IPO11: variants seen among roughly 807,000 people sequenced by gnomAD.
IPO11 encodes importin-11.
IPO11 carries 66 observed loss-of-function variants against 143.2 expected under a neutral mutation model. The ratio of observed to expected loss-of-function variants is 0.46; its 90% CI spans 0.38 to 0.57. IPO11 has a LOEUF of 0.57. Ranked by LOEUF, IPO11 falls within the 20% of genes least tolerant of loss-of-function variation. The pLI is 0.00. For missense variants in IPO11, 1,026 were observed against 1,141.0 expected (o/e 0.90, Z 1.45); for synonymous variants, 385 against 377.8 (o/e 1.02, Z -0.22).
intron 29 of IPO11, among the ~76,000 whole-genome samples, chr5:62,610,446 T>C (rs997972366): frequency 6.6e-6 from 1 of 152,212 alleles, no homozygotes; most frequent in Non-Finnish European, 1.5e-5. Context: ...TATTAATTTT[T>C]ATCCATGTGT....
intron 21 of IPO11, among the ~76,000 whole-genome samples, chr5:62,528,148 G>A (rs1194710789): frequency 6.6e-6 from 1 of 152,152 alleles, no homozygotes; most frequent in Non-Finnish European, 1.5e-5. Context: ...TTGAGGACAC[G>A]AGGAGCCATC....
chr5:62,613,218 C>A (rs1256070417), intron 29 of IPO11, among the ~76,000 whole-genome samples: 2 of 149,240 alleles, frequency 1.3e-5, no homozygotes, highest in Non-Finnish European at 3.0e-5. Flanking sequence ...GTTTGATTAT[C>A]TGATTTTAAA....
intron 1 of IPO11, among the ~76,000 whole-genome samples, chr5:62,422,275 C>A (rs1009030948): frequency 2.7e-4 from 41 of 152,046 alleles, no homozygotes; most frequent in Non-Finnish European, 5.4e-4. Context: ...TATAGGTGCC[C>A]ACCACCATGC....
chr5:62,537,855 A>T (rs991315071), intron 24 of IPO11, among the ~76,000 whole-genome samples: 1 of 152,064 alleles, frequency 6.6e-6, no homozygotes, highest in Non-Finnish European at 1.5e-5. Context: ...ACATATAAAC[A>T]TAAATGTATG....
chr5:62,564,932 T>A (rs1344460682), intron 27 of IPO11, among the ~76,000 whole-genome samples: 3 of 152,236 alleles, frequency 2.0e-5, no homozygotes. Context: ...AACTCCCATG[T>A]GCCTGTTTCC....
Position 62,417,061 on chromosome 5 carries a change from C to T in IPO11, c.-7+4132C>T, listed in dbSNP as rs189905975. Among the ~76,000 whole-genome samples the T allele has an allele frequency of 1.4e-3, 215 of 151,918 alleles. 1 individual carries two copies. The highest frequency in any genetic ancestry group is 1.9e-3 in the Non-Finnish European group (126 of 67,956). ...CAAATCAAGTCTTATCTGAAATATA[C>T]GCTCCTTACCTTAGATTCTTAGATT... On this transcript the variant is annotated intron_variant, in intron 1 of 29. Transcript: ENST00000325324.
At chr5:62,447,796 A>G (rs1744773064) in intron 3 of IPO11, among the ~76,000 whole-genome samples, 1 of 152,096 alleles carries the variant, frequency 6.6e-6, no homozygotes, top group African/African-American at 2.4e-5. Context: ...CATGTTGATC[A>G]GACTGGTCTC....
At chr5:62,496,643 T>A (rs1299365009) in intron 16 of IPO11, among the ~76,000 whole-genome samples, 1 of 152,188 alleles carries the variant, frequency 6.6e-6, no homozygotes, top group African/African-American at 2.4e-5. Context: ...GGGAGATATC[T>A]TATACATGCA....
intron 15 of IPO11, 106 bp downstream of exon 15, chr5:62,490,326 G>T (rs79558975): frequency 4.8e-6 from 3 of 624,282 alleles, no homozygotes; most frequent in Admixed American, 3.6e-5. Context: ...AAATGCAATC[G>T]TATAAGTTAG....
intron 19 of IPO11, among the ~76,000 whole-genome samples, chr5:62,507,492 G>A (rs898982237): frequency 9.2e-5 from 14 of 152,124 alleles, no homozygotes; most frequent in African/African-American, 3.4e-4. Context: ...TTTAGTTTGG[G>A]CAAAGTCTTT....
At chr5:62,445,486 A>T (rs1003868651) in intron 3 of IPO11, among the ~76,000 whole-genome samples, 5 of 151,758 alleles carry the variant, frequency 3.3e-5, no homozygotes, top group African/African-American at 4.9e-5. Context: ...TGGTTGTTTG[A>T]TTTGATGATT....
chr5:62,446,430 T>C (rs960788797), intron 3 of IPO11, among the ~76,000 whole-genome samples: 1 of 152,230 alleles, frequency 6.6e-6, no homozygotes, highest in Non-Finnish European at 1.5e-5. Flanking sequence ...GTGTTTGTAT[T>C]TGCTCTGCAT....
chr5:62,598,302 T>G (rs1416047281), intron 28 of IPO11, among the ~76,000 whole-genome samples: 1 of 152,060 alleles, frequency 6.6e-6, no homozygotes, highest in Non-Finnish European at 1.5e-5. Flanking sequence ...GGAAAGAGGC[T>G]GATTATATAG....
chr5:62,587,293 A>G (rs983932883), intron 27 of IPO11, among the ~76,000 whole-genome samples: 1 of 152,160 alleles, frequency 6.6e-6, no homozygotes, highest in African/African-American at 2.4e-5. Context: ...TTCAACTTTC[A>G]CTTTAAGATA....
chr5:62,620,822 C>T (rs1187719013), intron 29 of IPO11, among the ~76,000 whole-genome samples: 1 of 152,210 alleles, frequency 6.6e-6, no homozygotes, highest in Non-Finnish European at 1.5e-5. Flanking sequence ...TGCTTGCCAT[C>T]ATGGCCTGAA....
intron 27 of IPO11, among the ~76,000 whole-genome samples, chr5:62,568,925 C>T (rs1744047189): frequency 6.6e-6 from 1 of 152,322 alleles, no homozygotes; most frequent in East Asian, 1.9e-4. Context: ...ACTGACTGTT[C>T]ACTTCCCTAA....
intron 29 of IPO11, among the ~76,000 whole-genome samples, chr5:62,620,661 A>G: frequency 6.6e-6 from 1 of 152,216 alleles, no homozygotes; most frequent in East Asian, 1.9e-4. Context: ...AGTCAATAGA[A>G]AAGAAATGTC....
At chr5:62,489,596 T>C (rs1746533065) in intron 14 of IPO11, among the ~76,000 whole-genome samples, 1 of 151,988 alleles carries the variant, frequency 6.6e-6, no homozygotes, top group African/African-American at 2.4e-5. Flanking sequence ...CCCAAAGAAG[T>C]GTAATGGAAG....
intron 27 of IPO11, chr5:62,581,240 G>T: frequency 6.5e-7 from 1 of 1,541,154 alleles, no homozygotes; most frequent in Non-Finnish European, 8.7e-7. Flanking sequence ...GAGCAGATTC[G>T]ACTTCATAAA....
Sources: gnomAD v4.1 joint callset for allele counts (sites outside exome capture counted in the v4.1 genomes callset) on GRCh38, gnomAD v4.1.1 for gene constraint, MANE v1.5 for transcripts, NCBI Gene and HGNC (gene_info 2026-07-23, HGNC 2026-07-21) for gene names.